SEMA6D: variants seen among roughly 807,000 people sequenced by gnomAD.
SEMA6D encodes semaphorin 6D, also known as semaphorin-6D.
Under a neutral mutation model 106.6 loss-of-function variants are expected in SEMA6D, and 35 were observed. The ratio of observed to expected loss-of-function variants is 0.33; its 90% CI spans 0.25 to 0.44. The LOEUF is 0.44. Among genes scored for constraint, SEMA6D ranks in the 20% least tolerant of loss-of-function variants. The pLI, the probability that SEMA6D is intolerant of heterozygous loss-of-function variation, is 1.00. For synonymous variants in SEMA6D, 499 were observed against 487.7 expected (o/e 1.02, Z -0.31); for missense variants, 1,185 against 1,345.9 (o/e 0.88, Z 1.87).
intron 17 of SEMA6D, chr15:47,767,355 C>T (rs887874454): frequency 3.9e-5 from 12 of 305,338 alleles, no homozygotes; most frequent in Middle Eastern, 5.5e-4. Context: ...TCCAGCTGCA[C>T]GCACGCCCAC....
At chr15:47,613,977 A>G (rs1478600195) in intron 4 of SEMA6D, among the ~76,000 whole-genome samples, 1 of 152,176 alleles carries the variant, frequency 6.6e-6, no homozygotes, top group Non-Finnish European at 1.5e-5. Flanking sequence ...TTATTCTTTC[A>G]AGGAATATTT....
Position 47,771,635 on chromosome 15 carries a change from C to A in SEMA6D, c.3072C>A (p.Ser1024=). 7 of 1,614,112 alleles carry A rather than the reference C, an allele frequency of 4.3e-6. No homozygotes were observed. Among genetic ancestry groups the A allele is most frequent in the Non-Finnish European group, 5.9e-6 (7 of 1,179,988 alleles). ...CAGTGAGTGTTCATCTGCAGCCTTCCCTCTCCAGACAGAGCAGCTACACCA... is the reference window on the plus strand; with the variant it reads ...CAGTGAGTGTTCATCTGCAGCCTTCACTCTCCAGACAGAGCAGCTACACCA... The part of the protein sequence containing the change: ...GTPVSVHLQP[S]LSRQSSYTSN... Residue 1024 remains serine, a synonymous_variant, in exon 19 of 19, where the codon TCC becomes TCA. Coordinates refer to ENST00000536845, the MANE Select transcript of SEMA6D (RefSeq NM_001358351.3).
At chr15:47,276,427 C>A (rs1413330055) in intron 1 of SEMA6D, among the ~76,000 whole-genome samples, 1 of 152,122 alleles carries the variant, frequency 6.6e-6, no homozygotes, top group South Asian at 2.1e-4. Context: ...GGGACTGATG[C>A]AGCTGCTGAC....
intron 4 of SEMA6D, among the ~76,000 whole-genome samples, chr15:47,625,749 A>C (rs573433304): frequency 6.6e-6 from 1 of 151,878 alleles, no homozygotes; most frequent in South Asian, 2.1e-4. Context: ...TATGCACAAC[A>C]AATAGGAATG....
chr15:47,617,041 G>A (rs1471774560), intron 4 of SEMA6D, among the ~76,000 whole-genome samples: 1 of 152,214 alleles, frequency 6.6e-6, no homozygotes, highest in African/African-American at 2.4e-5. Context: ...TCCCAGGCAT[G>A]ATCGTTAGCA....
At chr15:47,366,065 A>G (rs1239222392) in intron 1 of SEMA6D, among the ~76,000 whole-genome samples, 1 of 152,208 alleles carries the variant, frequency 6.6e-6, no homozygotes, top group Non-Finnish European at 1.5e-5. Flanking sequence ...CTCCTTTTTT[A>G]CAGGGTCAAT....
chr15:47,697,742 T>G (rs2078729073), intron 4 of SEMA6D, among the ~76,000 whole-genome samples: 1 of 152,236 alleles, frequency 6.6e-6, no homozygotes, highest in Admixed American at 6.5e-5. Flanking sequence ...CATCACTGAT[T>G]AAAGCTTTCT....
intron 4 of SEMA6D, among the ~76,000 whole-genome samples, chr15:47,613,548 T>C (rs180876201): frequency 7.4e-4 from 113 of 152,328 alleles, no homozygotes; most frequent in Non-Finnish European, 1.4e-3. Flanking sequence ...TTAACATTTT[T>C]CCTTTGTCGT....
At chr15:47,318,353 G>T (rs2036775507) in intron 1 of SEMA6D, among the ~76,000 whole-genome samples, 1 of 136,402 alleles carries the variant, frequency 7.3e-6, no homozygotes, top group Non-Finnish European at 1.6e-5. Context: ...TGCCATGCTG[G>T]TGTGCTGTAC....
At chr15:47,641,789 A>G (rs536803269) in intron 4 of SEMA6D, among the ~76,000 whole-genome samples, 3 of 152,270 alleles carry the variant, frequency 2.0e-5, no homozygotes, top group South Asian at 2.1e-4. Context: ...TCCCTCTGCC[A>G]TAAAACGTCA....
chr15:47,764,088 C>T (rs1290970963), intron 10 of SEMA6D, 21 bp downstream of exon 10: 2 of 1,613,126 alleles, frequency 1.2e-6, no homozygotes, highest in African/African-American at 2.7e-5. Flanking sequence ...AACCCCGGCA[C>T]TGCAAAGATA....
intron 3 of SEMA6D, among the ~76,000 whole-genome samples, chr15:47,541,314 C>G (rs2045346296): frequency 6.6e-6 from 1 of 152,154 alleles, no homozygotes; most frequent in South Asian, 2.1e-4. Flanking sequence ...CTTAAAGTAT[C>G]TAAGTGTTTC....
At chr15:47,548,317 G>A (rs1403633023) in intron 3 of SEMA6D, among the ~76,000 whole-genome samples, 1 of 152,120 alleles carries the variant, frequency 6.6e-6, no homozygotes, top group East Asian at 1.9e-4. Flanking sequence ...TCAGCTGAGG[G>A]GACTGCTGGT....
At chr15:47,476,109 C>T (rs2042994875) in intron 3 of SEMA6D, among the ~76,000 whole-genome samples, 1 of 152,170 alleles carries the variant, frequency 6.6e-6, no homozygotes, top group Non-Finnish European at 1.5e-5. Flanking sequence ...GTTGGGCATT[C>T]TCAGCACAGG....
intron 2 of SEMA6D, among the ~76,000 whole-genome samples, chr15:47,417,297 G>A (rs1044610067): frequency 6.6e-6 from 1 of 152,042 alleles, no homozygotes; most frequent in Non-Finnish European, 1.5e-5. Context: ...CGTAAATTGT[G>A]TAATCATATT....
rs373339510 is a variant in SEMA6D at position 47,764,166 on chromosome 15, CT to C, written c.966-4del. The C allele has an allele frequency of 8.4e-5, 136 of 1,613,170 alleles. No individual in the cohort carries two copies. In the African/African-American group the frequency reaches 1.6e-3, roughly 19 times the overall value. On this transcript the variant is annotated splice_polypyrimidine_tract_variant and splice_region_variant and intron_variant, in intron 10 of 18. Coordinates refer to ENST00000536845, the MANE Select transcript of SEMA6D (RefSeq NM_001358351.3). ...CAGCCTCTTCCTGATGATTTTCTTC[CT>C]TTTCAGCATCCCTGGTTCTGCTGTC...
chr15:47,732,169 G>C (rs2080169333), intron 1 of SEMA6D, among the ~76,000 whole-genome samples: 1 of 152,152 alleles, frequency 6.6e-6, no homozygotes, highest in Non-Finnish European at 1.5e-5. Flanking sequence ...TTGGACTACA[G>C]GTAAGAGGAA....
intron 4 of SEMA6D, among the ~76,000 whole-genome samples, chr15:47,610,153 T>C (rs1257256119): frequency 6.6e-6 from 1 of 152,222 alleles, no homozygotes; most frequent in African/African-American, 2.4e-5. Context: ...GGTTCTATTT[T>C]TGCTTCTAGC....
At chr15:47,270,548 G>A (rs2034511632) in intron 1 of SEMA6D, among the ~76,000 whole-genome samples, 1 of 151,784 alleles carries the variant, frequency 6.6e-6, no homozygotes, top group Non-Finnish European at 1.5e-5. Flanking sequence ...CTCAATCTTA[G>A]CGGAAAAAAA....
Sources: gnomAD v4.1 joint callset for allele counts (sites outside exome capture counted in the v4.1 genomes callset) on GRCh38, gnomAD v4.1.1 for gene constraint, MANE v1.5 for transcripts, NCBI Gene and HGNC (gene_info 2026-07-23, HGNC 2026-07-21) for gene names.